VAV3: variants seen among roughly 807,000 people sequenced by gnomAD.
VAV3 encodes guanine nucleotide exchange factor VAV3.
In VAV3, 94 loss-of-function variants were observed where a neutral mutation model predicts 131.2. The ratio of observed to expected loss-of-function variants is 0.72; its 90% CI spans 0.61 to 0.85. The LOEUF is 0.85. Among genes scored for constraint, VAV3 ranks in the 40% least tolerant of loss-of-function variants. The pLI, the probability that VAV3 is intolerant of heterozygous loss-of-function variation, is 0.00. For synonymous variants in VAV3, 349 were observed against 342.0 expected (o/e 1.02, Z -0.22); for missense variants, 939 against 1,002.7 (o/e 0.94, Z 0.86).
intron 1 of VAV3, among the ~76,000 whole-genome samples, chr1:107,921,227 T>C (rs1315696126): frequency 6.6e-6 from 1 of 152,228 alleles, no homozygotes; most frequent in Admixed American, 6.5e-5. Context: ...AGGATCTATG[T>C]ATCCTTCCTC....
At chr1:107,687,922 T>C (rs910231520) in intron 18 of VAV3, among the ~76,000 whole-genome samples, 3 of 152,190 alleles carry the variant, frequency 2.0e-5, no homozygotes, top group Non-Finnish European at 4.4e-5. Context: ...ATCAATAGGA[T>C]GTGATAATCA....
chr1:107,722,059 T>C (rs147654131), intron 15 of VAV3, among the ~76,000 whole-genome samples: 21 of 152,342 alleles, frequency 1.4e-4, no homozygotes, highest in Middle Eastern at 3.4e-3. Context: ...TGGTGGTTAG[T>C]ATCTGGGTAT....
At chr1:107,687,888 G>C (rs1659144678) in intron 18 of VAV3, among the ~76,000 whole-genome samples, 1 of 152,078 alleles carries the variant, frequency 6.6e-6, no homozygotes, top group Non-Finnish European at 1.5e-5. Context: ...AAACCAAAAG[G>C]AAATGTTACT....
chr1:107,933,954 A>G (rs1673587021), intron 1 of VAV3, among the ~76,000 whole-genome samples: 1 of 152,192 alleles, frequency 6.6e-6, no homozygotes, highest in Non-Finnish European at 1.5e-5. Flanking sequence ...CCTTAGCAGG[A>G]GCTTGGCTCA....
At chr1:107,800,196 T>G (rs1292364793) in intron 2 of VAV3, among the ~76,000 whole-genome samples, 1 of 152,178 alleles carries the variant, frequency 6.6e-6, no homozygotes, top group Non-Finnish European at 1.5e-5. Context: ...TTTCCACTAT[T>G]TTGGATATAT....
chr1:107,714,465 T>C (rs1225028174), intron 15 of VAV3, among the ~76,000 whole-genome samples: 2 of 152,130 alleles, frequency 1.3e-5, no homozygotes, highest in South Asian at 2.1e-4. Context: ...GATACAATCT[T>C]AAAGCTCTCA....
chr1:107,947,862 T>G (rs1471014217), intron 1 of VAV3, among the ~76,000 whole-genome samples: 1 of 152,222 alleles, frequency 6.6e-6, no homozygotes, highest in African/African-American at 2.4e-5. Flanking sequence ...AGTCACCCTG[T>G]GCCAGGTACT....
chr1:107,713,907 A>G (rs759138989), intron 15 of VAV3, among the ~76,000 whole-genome samples: 3 of 152,164 alleles, frequency 2.0e-5, no homozygotes, highest in Non-Finnish European at 4.4e-5. Context: ...TGGCTAGTCA[A>G]ATATCTTTTG....
chr1:107,915,424 A>T (rs1672562542), intron 1 of VAV3, among the ~76,000 whole-genome samples: 1 of 152,136 alleles, frequency 6.6e-6, no homozygotes, highest in Non-Finnish European at 1.5e-5. Context: ...CCCCCATGTG[A>T]TTTACTGGCT....
rs138896569 is a variant in VAV3, at chr1:107,843,769, T to C, written c.321+31132A>G. The stretch of plus-strand genomic sequence containing the variant: ...AAATCAGACACGGAAAAATGCATTT[T>C]TGGGGGAGTCTTTTGCCTGTTCAGT... On this transcript the variant is annotated intron_variant, in intron 2 of 26. Coordinates refer to ENST00000370056, the MANE Select transcript of VAV3 (RefSeq NM_006113.5). Among the ~76,000 whole-genome samples, 1,137 of 152,064 alleles carry C rather than the reference T, an allele frequency of 7.5e-3. 14 individuals carry two copies. Among genetic ancestry groups the C allele is most frequent in the African/African-American group, 0.017 (690 of 41,482 alleles).
intron 25 of VAV3, among the ~76,000 whole-genome samples, chr1:107,593,320 A>C (rs1354154932): frequency 6.6e-6 from 1 of 152,140 alleles, no homozygotes; most frequent in African/African-American, 2.4e-5. Context: ...AGTAGCCCAA[A>C]AGTAAGTGGC....
intron 2 of VAV3, among the ~76,000 whole-genome samples, chr1:107,831,789 T>C (rs896346095): frequency 6.6e-6 from 1 of 152,240 alleles, no homozygotes; most frequent in Non-Finnish European, 1.5e-5. Context: ...ATACACTTAA[T>C]AGCTTTACAT....
intron 1 of VAV3, among the ~76,000 whole-genome samples, chr1:107,944,146 C>G (rs1189332584): frequency 2.6e-5 from 4 of 152,218 alleles, no homozygotes; most frequent in African/African-American, 9.6e-5. Flanking sequence ...GAAAACAGAT[C>G]GAAATGTAGG....
chr1:107,837,382 T>C (rs1242004356), intron 2 of VAV3, among the ~76,000 whole-genome samples: 2 of 152,122 alleles, frequency 1.3e-5, no homozygotes, highest in South Asian at 2.1e-4. Flanking sequence ...CCTTTTATGA[T>C]AAAAACTCTC....
rs1303645314 is a variant in VAV3, at chr1:107,595,350, C to A, written c.2350+862G>T. Among the ~76,000 whole-genome samples, 5 of 152,204 alleles carry A rather than the reference C, an allele frequency of 3.3e-5. No homozygotes were observed. In the East Asian group the frequency reaches 9.6e-4, roughly 29 times the overall value. The stretch of plus-strand genomic sequence containing the variant: ...GCATTACCTGTTCCCCTTTCAGTTT[C>A]TGCTTTCAAGGAAAAATATAAAGTT... On this transcript the variant is annotated intron_variant, in intron 25 of 26. Transcript: ENST00000370056.
chr1:107,573,055 T>C lies in VAV3; in HGVS notation c.*276A>G, dbSNP rs1288616864. ...GCACGAACCAATGTGTTTGCAGGGC[T>C]CTTCTGGGAAGAACAGCTCTTGGTT... is the stretch of plus-strand genomic sequence containing the variant. On this transcript the variant is annotated 3_prime_UTR_variant, in exon 27 of 27. Coordinates refer to ENST00000370056, the MANE Select transcript of VAV3 (RefSeq NM_006113.5). 1 of 423,300 alleles carries C rather than the reference T, an allele frequency of 2.4e-6. No individual in the cohort carries two copies. Among genetic ancestry groups the C allele is most frequent in the African/African-American group, 2.0e-5 (1 of 48,918 alleles). 26.2% of individuals were successfully genotyped at this position (423,300 alleles called of 1,614,324 possible). A position where few individuals can be genotyped will look rare whatever the true frequency, so the allele number is the denominator to read the frequency against.
chr1:107,756,740 C>T (rs1185945416), intron 11 of VAV3, among the ~76,000 whole-genome samples: 1 of 151,898 alleles, frequency 6.6e-6, no homozygotes, highest in Non-Finnish European at 1.5e-5. Flanking sequence ...TTCCTGAAAA[C>T]TGAACAAACT....
At chr1:107,615,311 C>T (rs917309029) in intron 21 of VAV3, among the ~76,000 whole-genome samples, 3 of 152,082 alleles carry the variant, frequency 2.0e-5, no homozygotes, top group Non-Finnish European at 4.4e-5. Flanking sequence ...CGTGAATTAA[C>T]ACAGGAAAGG....
chr1:107,775,114 G>A (rs1191837695), intron 4 of VAV3, among the ~76,000 whole-genome samples: 16 of 152,056 alleles, frequency 1.1e-4, no homozygotes, highest in Admixed American at 1.0e-3. Flanking sequence ...ACAGAGCAAG[G>A]GCTGGCATCT....
Sources: gnomAD v4.1 joint callset for allele counts (sites outside exome capture counted in the v4.1 genomes callset) on GRCh38, gnomAD v4.1.1 for gene constraint, MANE v1.5 for transcripts, NCBI Gene and HGNC (gene_info 2026-07-23, HGNC 2026-07-21) for gene names.